Variants in MAPKAPK5 observed in about 807,000 individuals in gnomAD.
MAPKAPK5 encodes MAPK activated protein kinase 5.
A neutral mutation model predicts 65.1 loss-of-function variants in MAPKAPK5; 30 were observed. The ratio of observed to expected loss-of-function variants is 0.46; its 90% CI spans 0.34 to 0.63. The LOEUF is 0.63. Ranked by LOEUF, MAPKAPK5 falls within the 20% of genes least tolerant of loss-of-function variation. MAPKAPK5 has a pLI of 0.01. For synonymous variants in MAPKAPK5, 179 were observed against 204.6 expected (o/e 0.87, Z 1.07); for missense variants, 433 against 581.4 (o/e 0.74, Z 2.63).
intron 1 of MAPKAPK5, among the ~76,000 whole-genome samples, chr12:111,861,098 C>T (rs928754031): frequency 9.9e-5 from 15 of 150,902 alleles, no homozygotes; most frequent in Non-Finnish European, 1.5e-4. Flanking sequence ...TGGAGGTTGG[C>T]GTGAGCCGAG....
chr12:111,873,329 G>GT (rs1262776479), intron 7 of MAPKAPK5, among the ~76,000 whole-genome samples: 1 of 151,906 alleles, frequency 6.6e-6, no homozygotes, highest in East Asian at 1.9e-4. Context: ...TTGAATTGCA[G>GT]TTTTTTGTTT....
intron 1 of MAPKAPK5, among the ~76,000 whole-genome samples, chr12:111,854,069 G>A (rs1164420000): frequency 1.3e-5 from 2 of 152,050 alleles, no homozygotes; most frequent in African/African-American, 2.4e-5. Flanking sequence ...TTAATATTTT[G>A]TTGAGGATTG....
chr12:111,888,259 C>T (rs892573711), intron 10 of MAPKAPK5: 3 of 447,080 alleles, frequency 6.7e-6, no homozygotes, highest in East Asian at 9.0e-5. Context: ...GTCCCCCCAC[C>T]AGGGAAGAAG....
intron 8 of MAPKAPK5, among the ~76,000 whole-genome samples, chr12:111,882,490 C>T (rs376465636): frequency 6.6e-6 from 1 of 152,214 alleles, no homozygotes; most frequent in Admixed American, 6.5e-5. Flanking sequence ...GTGGCAGGCT[C>T]ACGGGGCTGC....
intron 1 of MAPKAPK5, among the ~76,000 whole-genome samples, chr12:111,846,333 T>C (rs2068905349): frequency 6.6e-6 from 1 of 152,228 alleles, no homozygotes; most frequent in South Asian, 2.1e-4. Flanking sequence ...CACAACACTT[T>C]AACTCTTGCT....
rs1045101354 is a variant in MAPKAPK5, at chr12:111,895,465, A to T, written c.*2404A>T. 9 of 151,942 alleles carry T rather than the reference A, an allele frequency of 5.9e-5. No individual in the cohort carries two copies. The highest frequency in any genetic ancestry group is 2.2e-4 in the African/African-American group (9 of 41,466). The allele number at this position is 151,942 out of a possible 1,614,324, so 9.4% of individuals were successfully genotyped here. Reference sequence around the variant, plus strand: ...GATATTTTTTGAGATAAAGTTCACTAATCTTAGGTGACTGATAACTGTTAT... The same window carrying T: ...GATATTTTTTGAGATAAAGTTCACTTATCTTAGGTGACTGATAACTGTTAT... On this transcript the variant is annotated 3_prime_UTR_variant, in exon 14 of 14. Transcript: ENST00000550735.
In MAPKAPK5 at chr12:111,900,633, C is replaced by T. The variant is rs188001724; in HGVS notation, c.*7572C>T. The T allele has an allele frequency of 1.5e-5, 7 of 456,094 alleles. No homozygotes were observed. Among genetic ancestry groups the T allele is most frequent in the South Asian group, 1.1e-4 (7 of 64,554 alleles). The allele number at this position is 456,094 out of a possible 1,614,324, so 28.3% of individuals were successfully genotyped here. ...TGACTGTGGTTCTCTATGTCAGCATCATGCATGCTGTGATGAAAACTGTAT... is the reference window on the plus strand; with the variant it reads ...TGACTGTGGTTCTCTATGTCAGCATTATGCATGCTGTGATGAAAACTGTAT... On this transcript the variant is annotated 3_prime_UTR_variant, in exon 14 of 14. Coordinates refer to ENST00000550735, the MANE Select transcript of MAPKAPK5 (RefSeq NM_003668.4).
chr12:111,848,133 T>C (rs1031862097), intron 1 of MAPKAPK5, among the ~76,000 whole-genome samples: 1 of 152,228 alleles, frequency 6.6e-6, no homozygotes, highest in Non-Finnish European at 1.5e-5. Context: ...AGTAAATTTA[T>C]GTTTAACTTT....
In MAPKAPK5 at chr12:111,892,969, C is replaced by T. The variant is rs199636436; in HGVS notation, c.1324C>T (p.Arg442Cys). Residue 442 changes from arginine to cysteine, a missense_variant and splice_region_variant, in exon 14 of 14, where the codon CGT becomes TGT. By Grantham distance (180) the Arg-to-Cys change is radical. Around this residue, in one of 3 missense-constraint regions of MAPKAPK5, gnomAD observed 169 missense variants for 215.6 expected, o/e 0.78. Transcript: ENST00000550735. ...CCTTGTTCTTTTTTTGCTTTCAGGT[C>T]GTGGATTCACAGATAAAGTAGATCG... ...DTLQSFSWNG[R>C]GFTDKVDRLK... is the part of the protein sequence containing the mutation. 10 of 1,565,820 alleles carry T rather than the reference C, an allele frequency of 6.4e-6. No homozygotes were observed. Among genetic ancestry groups the T allele is most frequent in the Non-Finnish European group, 8.7e-6 (10 of 1,154,894 alleles).
chr12:111,843,970 C>T (rs2068824159), intron 1 of MAPKAPK5, among the ~76,000 whole-genome samples: 1 of 150,810 alleles, frequency 6.6e-6, no homozygotes, highest in Non-Finnish European at 1.5e-5. Context: ...CCACCCACCA[C>T]GCCCTGCTAA....
intron 2 of MAPKAPK5, among the ~76,000 whole-genome samples, chr12:111,865,672 C>T (rs893889517): frequency 2.5e-4 from 38 of 151,802 alleles, no homozygotes; most frequent in African/African-American, 8.7e-4. Context: ...CCCGTCTCTC[C>T]TAAAGATACA....
At chr12:111,860,499 A>G (rs985325162) in intron 1 of MAPKAPK5, among the ~76,000 whole-genome samples, 2 of 152,102 alleles carry the variant, frequency 1.3e-5, no homozygotes, top group African/African-American at 4.8e-5. Context: ...ATCCACATTC[A>G]CCACTTTTAG....
At chr12:111,862,572 G>A (rs1211207247) in intron 1 of MAPKAPK5, among the ~76,000 whole-genome samples, 1 of 152,074 alleles carries the variant, frequency 6.6e-6, no homozygotes, top group African/African-American at 2.4e-5. Context: ...GTGGTGGTGC[G>A]CAACTGTAAT....
In MAPKAPK5 at chr12:111,897,380, A is replaced by G. The variant is rs926413828; in HGVS notation, c.*4319A>G. Reference sequence around the variant, plus strand: ...TTTAAATAAGGTCTTGTGTGTGGGTATGTGTATGTGCATGTATTTATTGAA... The same window carrying G: ...TTTAAATAAGGTCTTGTGTGTGGGTGTGTGTATGTGCATGTATTTATTGAA... On this transcript the variant is annotated 3_prime_UTR_variant, in exon 14 of 14. Coordinates refer to ENST00000550735, the MANE Select transcript of MAPKAPK5 (RefSeq NM_003668.4). 5.3e-5 allele frequency: 8 copies of G among 152,312 alleles called. No homozygotes were observed. The East Asian group carries it at 1.3e-3, about 26-fold the overall frequency. 9.4% of individuals were successfully genotyped at this position (152,312 alleles called of 1,614,324 possible).
At chr12:111,885,060 C>A (rs1015183277) in intron 9 of MAPKAPK5, among the ~76,000 whole-genome samples, 2 of 152,188 alleles carry the variant, frequency 1.3e-5, no homozygotes, top group Admixed American at 6.5e-5. Context: ...GTAAGTAGTT[C>A]TTTGCCAGTT....
rs4767069 is a variant in MAPKAPK5, at chr12:111,843,698, A to G, written c.36+929A>G. On this transcript the variant is annotated intron_variant, in intron 1 of 13. Transcript: ENST00000550735. ...TGATTAAGAATTTACATTTCTACCA[A>G]TTCTTTAGGTGGTGTATATAGTTTC... Among the ~76,000 whole-genome samples, 8,553 of 152,326 alleles carry G rather than the reference A, an allele frequency of 0.056. 1,335 individuals carry two copies. In the East Asian group the frequency reaches 0.62, roughly 11 times the overall value.
At chr12:111,877,744 AATC>A (rs1268646003) in intron 7 of MAPKAPK5, among the ~76,000 whole-genome samples, 1 of 152,134 alleles carries the variant, frequency 6.6e-6, no homozygotes, top group Non-Finnish European at 1.5e-5. Flanking sequence ...GCAGTGGCAC[AATC>A]ATGACTCACT....
At chr12:111,882,826 T>C in intron 8 of MAPKAPK5, 2 of 985,468 alleles carry the variant, frequency 2.0e-6, no homozygotes, top group Non-Finnish European at 2.4e-6. Context: ...CTTTGGGCCT[T>C]TATGAAGTGG....
chr12:111,888,707 T>C, intron 11 of MAPKAPK5, 89 bp downstream of exon 11: 2 of 1,563,204 alleles, frequency 1.3e-6, no homozygotes, highest in South Asian at 1.2e-5. Flanking sequence ...CTTGCTCAGC[T>C]AGGGGTCTTT....
Sources: allele counts gnomAD v4.1 joint callset (sites outside exome capture counted in the v4.1 genomes callset), GRCh38; gene constraint gnomAD v4.1.1; regional missense constraint gnomAD v4.1.1; transcripts MANE v1.5; gene names NCBI Gene and HGNC (gene_info 2026-07-23, HGNC 2026-07-21).